Variants in CDK8 observed in about 807,000 individuals in gnomAD.
The protein encoded by CDK8 is cyclin-dependent kinase 8.
A neutral mutation model predicts 71.5 loss-of-function variants in CDK8; 29 were observed. That is an observed-to-expected ratio of 0.41 (90% confidence interval 0.30 to 0.55). The LOEUF (loss-of-function observed/expected upper bound fraction) is 0.55, where lower values mean the gene tolerates loss of function less well. CDK8 is among the 20% of genes least tolerant of loss of function. CDK8 has a pLI of 0.37. For synonymous variants in CDK8, 161 were observed against 192.1 expected (o/e 0.84, Z 1.34); for missense variants, 288 against 572.6 (o/e 0.50, Z 5.07).
chr13:26,320,276 T>C (rs978175775), intron 1 of CDK8, among the ~76,000 whole-genome samples: 2 of 151,800 alleles, frequency 1.3e-5, no homozygotes, highest in Non-Finnish European at 2.9e-5. Context: ...CTGTGTGTGG[T>C]AGTACACACC....
At chr13:26,279,219 C>A (rs1246504882) in intron 1 of CDK8, among the ~76,000 whole-genome samples, 1 of 152,086 alleles carries the variant, frequency 6.6e-6, no homozygotes, top group African/African-American at 2.4e-5. Flanking sequence ...TCAGAAAAAC[C>A]ATTTTGTAAC....
At chr13:26,308,030 C>T (rs1328640986) in intron 1 of CDK8, among the ~76,000 whole-genome samples, 1 of 152,102 alleles carries the variant, frequency 6.6e-6, no homozygotes, top group Non-Finnish European at 1.5e-5. Flanking sequence ...TTTAAAGAAA[C>T]CAGTATTTTA....
At chr13:26,268,087 A>C (rs1414839206) in intron 1 of CDK8, among the ~76,000 whole-genome samples, 2 of 152,200 alleles carry the variant, frequency 1.3e-5, no homozygotes, top group Non-Finnish European at 2.9e-5. Flanking sequence ...TTTGTCCTCT[A>C]AAAATGTTGC....
intron 4 of CDK8, among the ~76,000 whole-genome samples, chr13:26,360,915 C>G (rs1292518208): frequency 6.6e-6 from 1 of 152,106 alleles, no homozygotes; most frequent in African/African-American, 2.4e-5. Flanking sequence ...TCAGCTGCTT[C>G]CCTCTTACTA....
intron 1 of CDK8, among the ~76,000 whole-genome samples, chr13:26,261,909 G>A (rs938934648): frequency 6.6e-5 from 10 of 152,288 alleles, no homozygotes; most frequent in African/African-American, 2.4e-4. Flanking sequence ...TTTGTTCTTT[G>A]TGTACAAGAC....
At chr13:26,272,035 A>C (rs564649486) in intron 1 of CDK8, among the ~76,000 whole-genome samples, 1 of 151,694 alleles carries the variant, frequency 6.6e-6, no homozygotes, top group African/African-American at 2.4e-5. Flanking sequence ...TTTTTTCTTC[A>C]ATAATAAATT....
chr13:26,386,442 A>G (rs937411424), intron 6 of CDK8, among the ~76,000 whole-genome samples: 1 of 152,004 alleles, frequency 6.6e-6, no homozygotes, highest in South Asian at 2.1e-4. Flanking sequence ...CCAGGATGGT[A>G]TTAAACCCAC....
intron 1 of CDK8, among the ~76,000 whole-genome samples, chr13:26,301,055 A>T (rs1451744755): frequency 6.6e-6 from 1 of 152,034 alleles, no homozygotes; most frequent in African/African-American, 2.4e-5. Flanking sequence ...TGAGGTAATG[A>T]GTCCTTTCTG....
chr13:26,344,882 A>AT (rs1180825635), intron 2 of CDK8, among the ~76,000 whole-genome samples: 31 of 152,164 alleles, frequency 2.0e-4, no homozygotes, highest in Admixed American at 2.0e-3. Flanking sequence ...AATAAGTCGA[A>AT]GGGGTACACT....
At chr13:26,262,480 G>A (rs1871815037) in intron 1 of CDK8, among the ~76,000 whole-genome samples, 1 of 152,162 alleles carries the variant, frequency 6.6e-6, no homozygotes, top group South Asian at 2.1e-4. Context: ...TACGGGAAGA[G>A]TAGAAAAGTA....
chr13:26,342,766 T>G (rs1873297788), intron 2 of CDK8, among the ~76,000 whole-genome samples: 1 of 152,204 alleles, frequency 6.6e-6, no homozygotes, highest in South Asian at 2.1e-4. Context: ...GTGTTTTACT[T>G]ATTCAGTAGT....
At chr13:26,307,803 T>G (rs1401156166) in intron 1 of CDK8, among the ~76,000 whole-genome samples, 1 of 152,192 alleles carries the variant, frequency 6.6e-6, no homozygotes, top group East Asian at 1.9e-4. Flanking sequence ...TGTTTAAACT[T>G]CATAAGAACG....
intron 1 of CDK8, among the ~76,000 whole-genome samples, chr13:26,263,229 G>T (rs556387548): frequency 2.0e-5 from 3 of 151,976 alleles, no homozygotes; most frequent in Middle Eastern, 6.8e-3. Context: ...TCCGCTTCCC[G>T]GGTTCACGCC....
intron 4 of CDK8, among the ~76,000 whole-genome samples, chr13:26,371,587 A>G (rs531912897): frequency 3.3e-5 from 5 of 152,236 alleles, no homozygotes; most frequent in South Asian, 2.1e-4. Flanking sequence ...CAGTTTGCCA[A>G]TTGTACAAAA....
chr13:26,327,553 G>C (rs1273568458), intron 1 of CDK8, among the ~76,000 whole-genome samples: 1 of 152,170 alleles, frequency 6.6e-6, no homozygotes, highest in Non-Finnish European at 1.5e-5. Context: ...GAACAACCAG[G>C]TGCGGTGGCT....
intron 1 of CDK8, among the ~76,000 whole-genome samples, chr13:26,322,442 T>C (rs1366340810): frequency 6.6e-6 from 1 of 152,132 alleles, no homozygotes; most frequent in African/African-American, 2.4e-5. Flanking sequence ...ATTTCACTTT[T>C]GGTAGGGTGT....
chr13:26,375,967 T>A (rs1874926602), intron 4 of CDK8, among the ~76,000 whole-genome samples: 2 of 152,116 alleles, frequency 1.3e-5, no homozygotes, highest in African/African-American at 4.8e-5. Flanking sequence ...ATCGTTAGGG[T>A]TACTGCCAAA....
chr13:26,284,036 G>A (rs793131), intron 1 of CDK8, among the ~76,000 whole-genome samples: 144,154 of 152,324 alleles, frequency 0.95, 68,255 homozygotes, highest in East Asian at 1. Flanking sequence ...CTGCTTCTGA[G>A]TGATCTTTGG....
At chr13:26,314,162 T>C (rs1245661170) in intron 1 of CDK8, among the ~76,000 whole-genome samples, 1 of 152,250 alleles carries the variant, frequency 6.6e-6, no homozygotes, top group African/African-American at 2.4e-5. Flanking sequence ...ATGGCCATCA[T>C]TTTAACCTCT....
Sources: allele counts gnomAD v4.1 joint callset (sites outside exome capture counted in the v4.1 genomes callset), GRCh38; gene constraint gnomAD v4.1.1; transcripts MANE v1.5; gene names NCBI Gene and HGNC (gene_info 2026-07-23, HGNC 2026-07-21).